The following MARCHF11 variants were observed in gnomAD, a reference collection of about 807,000 sequenced individuals.
MARCHF11 encodes the protein E3 ubiquitin-protein ligase MARCHF11.
Under a neutral mutation model 37.3 loss-of-function variants are expected in MARCHF11, and 29 were observed. The ratio of observed to expected loss-of-function variants is 0.78; its 90% CI spans 0.58 to 1.06. The LOEUF (loss-of-function observed/expected upper bound fraction) is 1.06, where lower values mean the gene tolerates loss of function less well. Among genes scored for constraint, MARCHF11 ranks in the 50% least tolerant of loss-of-function variants. MARCHF11 has a pLI of 0.00. For synonymous variants in MARCHF11, 233 were observed against 228.0 expected, an observed-to-expected ratio of 1.02 and a Z score of -0.20; for missense variants, 482 against 533.4, an observed-to-expected ratio of 0.90 and a Z score of 0.95.
At chr5:16,107,337 T>TC (rs1737061885) in intron 2 of MARCHF11, among the ~76,000 whole-genome samples, 1 of 152,060 alleles carries the variant, frequency 6.6e-6, no homozygotes, top group African/African-American at 2.4e-5. Flanking sequence ...ACTATTGTTT[T>TC]TTTTTTTGAA....
intron 2 of MARCHF11, among the ~76,000 whole-genome samples, chr5:16,127,315 T>G (rs566020542): frequency 6.6e-6 from 1 of 152,272 alleles, no homozygotes; most frequent in Non-Finnish European, 1.5e-5. Flanking sequence ...TGACCAGATG[T>G]CGGTCACACA....
intron 2 of MARCHF11, among the ~76,000 whole-genome samples, chr5:16,173,782 A>G (rs1181214483): frequency 6.6e-6 from 1 of 152,244 alleles, no homozygotes; most frequent in Non-Finnish European, 1.5e-5. Flanking sequence ...ATCCAGAGCC[A>G]GCATTTAAAT....
chr5:16,151,051 T>C (rs576756370), intron 2 of MARCHF11, among the ~76,000 whole-genome samples: 1 of 152,202 alleles, frequency 6.6e-6, no homozygotes, highest in Non-Finnish European at 1.5e-5. Flanking sequence ...TTTCTAGCTA[T>C]TGCTCTATAT....
At chr5:16,154,195 G>T (rs1452514425) in intron 2 of MARCHF11, among the ~76,000 whole-genome samples, 1 of 151,896 alleles carries the variant, frequency 6.6e-6, no homozygotes, top group Admixed American at 6.6e-5. Context: ...GATGCCAGGG[G>T]TTTTCTGTAG....
chr5:16,136,991 A>G (rs1291042592), intron 2 of MARCHF11, among the ~76,000 whole-genome samples: 4 of 152,138 alleles, frequency 2.6e-5, no homozygotes, highest in Non-Finnish European at 5.9e-5. Context: ...TCTAAATAAC[A>G]ATAAAAAATA....
chr5:16,107,904 C>T (rs1407952768), intron 2 of MARCHF11, among the ~76,000 whole-genome samples: 4 of 152,170 alleles, frequency 2.6e-5, no homozygotes, highest in East Asian at 1.9e-4. Context: ...CATCTTCCCA[C>T]TCCATCCCCC....
At chr5:16,146,758 T>G (rs1737802796) in intron 2 of MARCHF11, among the ~76,000 whole-genome samples, 1 of 152,152 alleles carries the variant, frequency 6.6e-6, no homozygotes, top group African/African-American at 2.4e-5. Context: ...CAATCTCAAT[T>G]TAGCTTTCAA....
intron 2 of MARCHF11, among the ~76,000 whole-genome samples, chr5:16,139,227 G>GT (rs1737663292): frequency 6.6e-6 from 1 of 152,110 alleles, no homozygotes; most frequent in Non-Finnish European, 1.5e-5. Context: ...ATGGGGGTGG[G>GT]TTTTTCCCAT....
chr5:16,121,149 T>G (rs922118960), intron 2 of MARCHF11, among the ~76,000 whole-genome samples: 2 of 152,334 alleles, frequency 1.3e-5, no homozygotes, highest in Admixed American at 6.5e-5. Flanking sequence ...AGCCAACATG[T>G]ATCACTCCCT....
rs992341732 is a variant in MARCHF11, at chr5:16,179,467, CCGGCGGCGGCGTCGG to C, written c.94_108del (p.Pro32_Pro36del). On this transcript the variant is annotated inframe_deletion, in exon 1 of 4. Coordinates refer to ENST00000332432, the MANE Select transcript of MARCHF11 (RefSeq NM_001102562.3). Reference sequence around the variant, plus strand: ...GCCGCGGGGACCGGGGCCGGCTCTCCCGGCGGCGGCGTCGGCGGCGGCGGCGGGGGAGGTTGCGGG... The same window carrying C: ...GCCGCGGGGACCGGGGCCGGCTCTCCCGGCGGCGGCGGGGGAGGTTGCGGG... The C allele has an allele frequency of 2.6e-5, 29 of 1,128,502 alleles. No individual in the cohort carries two copies. Among genetic ancestry groups the C allele is most frequent in the African/African-American group, 2.3e-4 (14 of 60,148 alleles). 69.9% of individuals were successfully genotyped at this position (1,128,502 alleles called of 1,614,324 possible).
Position 16,067,618 on chromosome 5 carries a change from T to C in MARCHF11, c.1062A>G (p.Arg354=), listed in dbSNP as rs373886135. The part of the protein sequence containing the change: ...LWLPLTALRN[R]NLVHPTQLTS... ...TTAACTGAGTTGGGTGGACCAAGTTTCTGTTCCGCAGAGCTGTCAATGGCA... is the reference window on the plus strand; with the variant it reads ...TTAACTGAGTTGGGTGGACCAAGTTCCTGTTCCGCAGAGCTGTCAATGGCA... The change falls in exon 4 of 4, where the codon AGA becomes AGG. Residue 354 remains arginine (R), a synonymous_variant. Transcript: ENST00000332432. 1 of 1,613,978 alleles carries C rather than the reference T, an allele frequency of 6.2e-7. No homozygotes were observed. Among genetic ancestry groups the C allele is most frequent in the East Asian group, 2.2e-5 (1 of 44,878 alleles).
chr5:16,127,366 C>T (rs1253273968), intron 2 of MARCHF11, among the ~76,000 whole-genome samples: 1 of 152,142 alleles, frequency 6.6e-6, no homozygotes, highest in Non-Finnish European at 1.5e-5. Context: ...TCCTCTCCCT[C>T]GTGGTGACCT....
chr5:16,179,240 C>T lies in MARCHF11; in HGVS notation c.336G>A (p.Ala112=), dbSNP rs1026225474. 2.2e-6 allele frequency: 3 copies of T among 1,344,088 alleles called. No homozygotes were observed. 83.3% of individuals were successfully genotyped at this position (1,344,088 alleles called of 1,614,324 possible). A position where few individuals can be genotyped will look rare whatever the true frequency, so the allele number is the denominator to read the frequency against. ...CCCCGGGGCCGCCTTTCGCTGCTGCCGCCTCCGGGAGGCGCCTCGGACCTT... is the reference window on the plus strand; with the variant it reads ...CCCCGGGGCCGCCTTTCGCTGCTGCTGCCTCCGGGAGGCGCCTCGGACCTT... ...SGEGPRRLPE[A]AAAKGGPGES... The change falls in exon 1 of 4, where the codon GCG becomes GCA. Residue 112 remains alanine (A), a synonymous_variant. Coordinates refer to ENST00000332432, the MANE Select transcript of MARCHF11 (RefSeq NM_001102562.3).
rs561486563 is a variant in MARCHF11 at position 16,149,402 on chromosome 5, C to T, written c.693+28324G>A. ...GTAAGAATTCAATACCTAGTGTTGGCGCGAATGCAGAGCTACTAAAGCTCA... is the reference window on the plus strand; with the variant it reads ...GTAAGAATTCAATACCTAGTGTTGGTGCGAATGCAGAGCTACTAAAGCTCA... On this transcript the variant is annotated intron_variant, in intron 2 of 3. Transcript: ENST00000332432. Among the ~76,000 whole-genome samples, 128 of 152,160 alleles carry T rather than the reference C, an allele frequency of 8.4e-4. 1 individual carries two copies. In the South Asian group the frequency reaches 0.025, roughly 30 times the overall value.
chr5:16,117,767 G>T (rs192555039), intron 2 of MARCHF11, among the ~76,000 whole-genome samples: 1 of 152,244 alleles, frequency 6.6e-6, no homozygotes, highest in African/African-American at 2.4e-5. Context: ...AATAACCTAC[G>T]ACATAAAATT....
At chr5:16,149,420 A>G (rs529994631) in intron 2 of MARCHF11, among the ~76,000 whole-genome samples, 9 of 152,126 alleles carry the variant, frequency 5.9e-5, no homozygotes, top group Non-Finnish European at 1.2e-4. Flanking sequence ...CAGAGCTACT[A>G]AAGCTCACTT....
In MARCHF11 at chr5:16,085,939, CAAAAAAAAAAAAAAAAAAA is replaced by C. The variant is rs56782867; in HGVS notation, c.886+4931_886+4949del. The stretch of plus-strand genomic sequence containing the variant: ...TGGGCGAAAGAGCAAGACTCCATCT[CAAAAAAAAAAAAAAAAAAA>C]AAAAAAAAAAAAAAAAAAATCTTAT... On this transcript the variant is annotated intron_variant, in intron 3 of 3. Transcript: ENST00000332432. 2.9e-4 allele frequency among the ~76,000 whole-genome samples: 12 copies of C among 40,972 alleles called. No homozygotes were observed. In the East Asian group the frequency reaches 4.1e-3, roughly 14 times the overall value. The allele number at this position is 40,972 out of a possible 152,430, so 26.9% of individuals were successfully genotyped here. A position where few individuals can be genotyped will look rare whatever the true frequency, so the allele number is the denominator to read the frequency against.
intron 2 of MARCHF11, among the ~76,000 whole-genome samples, chr5:16,172,529 G>A (rs970401230): frequency 2.6e-5 from 4 of 152,202 alleles, no homozygotes; most frequent in Admixed American, 6.5e-5. Context: ...GTGGCTCACC[G>A]TGTCACAGGC....
intron 2 of MARCHF11, among the ~76,000 whole-genome samples, chr5:16,144,918 T>A (rs761038915): frequency 1.1e-4 from 16 of 152,122 alleles, no homozygotes; most frequent in Non-Finnish European, 2.1e-4. Context: ...AAATGAAAAG[T>A]GACAGATGAT....
Sources: allele counts gnomAD v4.1 joint callset (sites outside exome capture counted in the v4.1 genomes callset), GRCh38; gene constraint gnomAD v4.1.1; transcripts MANE v1.5; gene names NCBI Gene and HGNC (gene_info 2026-07-23, HGNC 2026-07-21).